The following LRRC37A2 variants were observed in gnomAD, a reference collection of about 807,000 sequenced individuals.
LRRC37A2 encodes the protein leucine rich repeat containing 37 member A2.
In LRRC37A2, 9 loss-of-function variants were observed where a neutral mutation model predicts 68.8. That is an observed-to-expected ratio of 0.13 (90% CI 0.08 to 0.23). LRRC37A2 has a LOEUF of 0.23. LRRC37A2 is among the 10% of genes least tolerant of loss of function. LRRC37A2 has a pLI of 1.00. For missense variants in LRRC37A2, 168 were observed against 950.4 expected (o/e 0.18, Z 10.82); for synonymous variants, 63 against 367.6 (o/e 0.17, Z 9.48).
At chr17:46,889,412 T>G in the LRRC37A2 span, among the ~76,000 whole-genome samples, 6 of 151,992 alleles carry the variant, frequency 3.9e-5, no homozygotes, top group Non-Finnish European at 8.8e-5. Flanking sequence ...GGAGACCAAG[T>G]CCCCTCTGTC....
At chr17:46,403,890 C>T in the LRRC37A2 span, among the ~76,000 whole-genome samples, 2 of 58,182 alleles carry the variant, frequency 3.4e-5, 1 homozygote, top group Non-Finnish European at 7.9e-5. Flanking sequence ...TTAGTAGAGA[C>T]GGGGCTTCAC....
the LRRC37A2 span, among the ~76,000 whole-genome samples, chr17:46,444,979 TTTCTC>T: frequency 9.3e-6 from 1 of 107,324 alleles, no homozygotes; most frequent in African/African-American, 3.3e-5. Context: ...AGATTCCTCT[TTTCTC>T]TAAGCTAATT....
the LRRC37A2 span, chr17:46,978,153 G>C: frequency 5.8e-6 from 1 of 171,760 alleles, no homozygotes; most frequent in Non-Finnish European, 1.2e-5. Context: ...TCACAGGCGC[G>C]GGTGGGAAGC....
the LRRC37A2 span, among the ~76,000 whole-genome samples, chr17:46,685,821 AG>A: frequency 6.6e-6 from 1 of 150,914 alleles, no homozygotes; most frequent in Non-Finnish European, 1.5e-5. Context: ...ACCTGATGAC[AG>A]GTAACAAGAT....
chr17:46,823,857 G>A, the LRRC37A2 span, among the ~76,000 whole-genome samples: 2 of 152,214 alleles, frequency 1.3e-5, no homozygotes, highest in Non-Finnish European at 2.9e-5. Flanking sequence ...CTTCGGTTGT[G>A]GAGTGGAGAT....
At chr17:46,999,112 T>A in the LRRC37A2 span, among the ~76,000 whole-genome samples, 3 of 152,176 alleles carry the variant, frequency 2.0e-5, no homozygotes, top group Admixed American at 1.3e-4. Context: ...GTTCAACACA[T>A]GAACTAAGTA....
At chr17:46,900,162 C>CAT in the LRRC37A2 span, among the ~76,000 whole-genome samples, 15 of 101,142 alleles carry the variant, frequency 1.5e-4, no homozygotes, top group African/African-American at 5.8e-4. Context: ...TATATATATA[C>CAT]ATATACATAT....
chr17:46,843,437 A>G, the LRRC37A2 span, among the ~76,000 whole-genome samples: 3 of 148,564 alleles, frequency 2.0e-5, no homozygotes, highest in Admixed American at 2.1e-4. Flanking sequence ...AGAAGGACTG[A>G]AAAAAAAAAT....
the LRRC37A2 span, among the ~76,000 whole-genome samples, chr17:46,839,970 TTCTTTCTC>T: frequency 1.4e-5 from 2 of 139,746 alleles, no homozygotes; most frequent in South Asian, 2.3e-4. Context: ...CTTTCTTTCT[TTCTTTCTC>T]TTCTTTCTTT....
chr17:46,715,315 C>T, the LRRC37A2 span, among the ~76,000 whole-genome samples: 4 of 152,160 alleles, frequency 2.6e-5, no homozygotes, highest in East Asian at 7.7e-4. Flanking sequence ...CAGTGATTTC[C>T]CTAGAGTAGG....
At chr17:46,675,659 C>CAT in the LRRC37A2 span, among the ~76,000 whole-genome samples, 3 of 129,952 alleles carry the variant, frequency 2.3e-5, no homozygotes, top group Admixed American at 8.5e-5. Context: ...CACACACACA[C>CAT]ACACGAACAT....
chr17:46,818,737 C>A, the LRRC37A2 span: 1 of 835,790 alleles, frequency 1.2e-6, no homozygotes, highest in Non-Finnish European at 2.0e-6. Context: ...GCAGCCGCCC[C>A]CCTCCCGAGC....
the LRRC37A2 span, among the ~76,000 whole-genome samples, chr17:46,457,903 A>G: frequency 6.4e-4 from 32 of 49,652 alleles, 7 homozygotes; most frequent in African/African-American, 1.3e-3. Flanking sequence ...GCATACATAC[A>G]TATTCATAGA....
chr17:47,018,849 A>T, the LRRC37A2 span: 4 of 1,520,168 alleles, frequency 2.6e-6, 1 homozygote, highest in South Asian at 4.5e-5. Context: ...GGGGTTTACC[A>T]TCACTCCAGA....
chr17:46,724,542 C>T, the LRRC37A2 span, among the ~76,000 whole-genome samples: 1 of 152,076 alleles, frequency 6.6e-6, no homozygotes, highest in Admixed American at 6.6e-5. Flanking sequence ...CAAAGCAAGC[C>T]CCATAGTTAT....
At chr17:46,726,512 G>C in the LRRC37A2 span, 28 of 1,584,488 alleles carry the variant, frequency 1.8e-5, no homozygotes, top group Non-Finnish European at 8.7e-7. Flanking sequence ...TAACTGTGGA[G>C]GACAGTGAGA....
the LRRC37A2 span, among the ~76,000 whole-genome samples, chr17:46,955,990 C>T: frequency 1.3e-5 from 2 of 152,146 alleles, no homozygotes; most frequent in African/African-American, 4.8e-5. Flanking sequence ...TCACATCAGA[C>T]TGGGAATGGA....
At chr17:46,968,010 G>A in the LRRC37A2 span, among the ~76,000 whole-genome samples, 7 of 152,132 alleles carry the variant, frequency 4.6e-5, no homozygotes, top group Non-Finnish European at 8.8e-5. Flanking sequence ...GATGACAGTG[G>A]TGATGCTCTT....
chr17:46,966,012 T>A, the LRRC37A2 span, among the ~76,000 whole-genome samples: 1 of 151,066 alleles, frequency 6.6e-6, no homozygotes, highest in South Asian at 2.1e-4. Context: ...GACCTAACCT[T>A]CTCTTTCTTT....
Sources: gnomAD v4.1 joint callset for allele counts (sites outside exome capture counted in the v4.1 genomes callset) on GRCh38, gnomAD v4.1.1 for gene constraint, MANE v1.5 for transcripts, NCBI Gene and HGNC (gene_info 2026-07-23, HGNC 2026-07-21) for gene names.